ADGRA1: variants seen among roughly 807,000 people sequenced by gnomAD.
ADGRA1 encodes the protein G-protein coupled receptor 123.
In ADGRA1, 12 loss-of-function variants were observed where a neutral mutation model predicts 21.3. The observed-to-expected ratio is 0.56, with a 90% CI of 0.36 to 0.91. ADGRA1 has a LOEUF of 0.91. Ranked by LOEUF, ADGRA1 falls within the 40% of genes least tolerant of loss-of-function variation. ADGRA1 has a pLI of 0.01. For missense variants in ADGRA1, 790 were observed against 805.6 expected, an observed-to-expected ratio of 0.98 and a Z score of 0.23; for synonymous variants, 385 against 368.8, an observed-to-expected ratio of 1.04 and a Z score of -0.50.
intron 4 of ADGRA1, chr10:133,102,468 C>T (rs762666391): frequency 1.2e-5 from 8 of 655,246 alleles, no homozygotes; most frequent in Non-Finnish European, 2.0e-5. Flanking sequence ...TCCCTGCTCC[C>T]GTCTCTGTGC....
rs147825070 is a variant in ADGRA1, at chr10:133,088,749, C to T, written c.-161C>T. 0.03 allele frequency: 37,272 copies of T among 1,231,014 alleles called. 643 individuals are homozygous for T. Among genetic ancestry groups the T allele is most frequent in the Non-Finnish European group, 0.035 (34,079 of 987,602 alleles). 76.3% of individuals were successfully genotyped at this position (1,231,014 alleles called of 1,614,324 possible). ...GACTGCGCCCGCCCCGCCGCGGTCA[C>T]CCTGAGGCCAGGGGCCCGGGAGCGC... is the stretch of plus-strand genomic sequence containing the variant. On this transcript the variant is annotated 5_prime_UTR_variant, in exon 2 of 7. Coordinates refer to ENST00000392607, the MANE Select transcript of ADGRA1 (RefSeq NM_001083909.3).
chr10:133,088,617 G>A (rs1402256067), intron 1 of ADGRA1, 91 bp from the exon 2 acceptor site: 1 of 833,518 alleles, frequency 1.2e-6, no homozygotes, highest in Non-Finnish European at 1.6e-6. Context: ...GAGCGACAGG[G>A]GCCGCGGCTG....
intron 5 of ADGRA1, among the ~76,000 whole-genome samples, chr10:133,110,473 A>C (rs1851968170): frequency 6.6e-6 from 1 of 152,236 alleles, no homozygotes; most frequent in African/African-American, 2.4e-5. Context: ...AATGTGCTGA[A>C]AGCCACTGAC....
intron 2 of ADGRA1, among the ~76,000 whole-genome samples, chr10:133,089,673 G>C (rs1043185789): frequency 2.0e-5 from 3 of 152,246 alleles, no homozygotes; most frequent in African/African-American, 7.2e-5. Flanking sequence ...ACAGACGCCG[G>C]CTGGCGTGCT....
chr10:133,114,507 CA>C (rs1852119422), intron 5 of ADGRA1, among the ~76,000 whole-genome samples: 2 of 152,186 alleles, frequency 1.3e-5, no homozygotes, highest in South Asian at 4.1e-4. Context: ...TGTCCTTCTC[CA>C]CCTGACTCCT....
intron 4 of ADGRA1, among the ~76,000 whole-genome samples, chr10:133,100,128 T>G (rs1241012183): frequency 6.6e-6 from 1 of 152,230 alleles, no homozygotes; most frequent in East Asian, 1.9e-4. Context: ...CATGTCTGTG[T>G]GACCACACTT....
At chr10:133,122,956 G>A (rs1446663393) in intron 5 of ADGRA1, among the ~76,000 whole-genome samples, 2 of 152,176 alleles carry the variant, frequency 1.3e-5, no homozygotes, top group East Asian at 3.8e-4. Flanking sequence ...CCCTGCACGT[G>A]TTTCTTTAAG....
chr10:133,089,501 C>T (rs1851562972), intron 2 of ADGRA1, among the ~76,000 whole-genome samples: 1 of 152,206 alleles, frequency 6.6e-6, no homozygotes, highest in South Asian at 2.1e-4. Context: ...CTCCCTGAGG[C>T]ACCAGCAAGC....
intron 5 of ADGRA1, among the ~76,000 whole-genome samples, chr10:133,110,981 G>C (rs998432885): frequency 2.6e-5 from 4 of 152,124 alleles, no homozygotes; most frequent in Admixed American, 2.6e-4. Context: ...GGTTGTTTCT[G>C]AATCTGTTAA....
Position 133,088,906 on chromosome 10 carries a change from G to T in ADGRA1, c.-4G>T. On this transcript the variant is annotated 5_prime_UTR_variant, in exon 2 of 7. Coordinates refer to ENST00000392607, the MANE Select transcript of ADGRA1 (RefSeq NM_001083909.3). ...GCTCACGCTTCCGCAACTTTGCAGCGCTCATGGTGAGTACGGGGGTCCCGG... is the reference window on the plus strand; with the variant it reads ...GCTCACGCTTCCGCAACTTTGCAGCTCTCATGGTGAGTACGGGGGTCCCGG... The T allele has an allele frequency of 1.6e-6, 2 of 1,242,152 alleles. No individual in the cohort carries two copies. The highest frequency in any genetic ancestry group is 2.0e-6 in the Non-Finnish European group (2 of 990,448). The allele number at this position is 1,242,152 out of a possible 1,614,324, so 76.9% of individuals were successfully genotyped here.
chr10:133,104,061 C>G (rs1259556407), intron 5 of ADGRA1, among the ~76,000 whole-genome samples: 1 of 152,230 alleles, frequency 6.6e-6, no homozygotes, highest in East Asian at 1.9e-4. Context: ...CCTGCTTCCT[C>G]GGAAGGGCTG....
chr10:133,098,311 A>G (rs1851724912), intron 3 of ADGRA1, among the ~76,000 whole-genome samples: 1 of 152,062 alleles, frequency 6.6e-6, no homozygotes, highest in Admixed American at 6.5e-5. Flanking sequence ...TGCGGCCTCT[A>G]TCTCTGAGAC....
rs1162659427 is a variant in ADGRA1, at chr10:133,128,383, C to T, written c.555C>T (p.Ile185=). The T allele has an allele frequency of 3.8e-6, 6 of 1,594,116 alleles. No individual in the cohort carries two copies. The Admixed American group carries it at 8.9e-5, about 24-fold the overall frequency. Residue 185 remains isoleucine (I), a synonymous_variant, in exon 7 of 7, where the codon ATC becomes ATT. Coordinates refer to ENST00000392607, the MANE Select transcript of ADGRA1 (RefSeq NM_001083909.3). ...SLGAFYGPAA[I]ITLVTCVYFL... ...GCGCCTTCTACGGCCCAGCCGCCAT[C>T]ATCACCCTGGTCACCTGTGTGTACT...
intron 5 of ADGRA1, among the ~76,000 whole-genome samples, chr10:133,118,846 C>A (rs567410043): frequency 6.6e-6 from 1 of 151,838 alleles, no homozygotes; most frequent in African/African-American, 2.4e-5. Flanking sequence ...TGTACCACCT[C>A]TTCAGTGTGC....
intron 4 of ADGRA1, among the ~76,000 whole-genome samples, chr10:133,099,340 C>T (rs1052973408): frequency 6.6e-5 from 10 of 152,170 alleles, no homozygotes; most frequent in Admixed American, 6.5e-5. Flanking sequence ...GCACACACTC[C>T]GGTCCAGGGA....
In ADGRA1 at chr10:133,088,822, G is replaced by A; in HGVS notation, c.-88G>A. ...ACTTTGACCTTCCAGAGGCCATGGAGGCTGGCGGGGAGCAGGGCGCCACCT... is the reference window on the plus strand; with the variant it reads ...ACTTTGACCTTCCAGAGGCCATGGAAGCTGGCGGGGAGCAGGGCGCCACCT... On this transcript the variant is annotated 5_prime_UTR_variant, in exon 2 of 7. Coordinates refer to ENST00000392607, the MANE Select transcript of ADGRA1 (RefSeq NM_001083909.3). The A allele has an allele frequency of 2.0e-5, 25 of 1,234,820 alleles. No individual in the cohort carries two copies. Among genetic ancestry groups the A allele is most frequent in the Non-Finnish European group, 2.5e-5 (25 of 987,946 alleles). The allele number at this position is 1,234,820 out of a possible 1,614,324, so 76.5% of individuals were successfully genotyped here.
rs976386430 is a variant in ADGRA1, at chr10:133,130,865, C to T, written c.*1354C>T. The T allele has an allele frequency of 5.9e-5, 9 of 151,692 alleles. No individual in the cohort carries two copies. Among genetic ancestry groups the T allele is most frequent in the African/African-American group, 1.7e-4 (7 of 41,258 alleles). The allele number at this position is 151,692 out of a possible 1,614,324, so 9.4% of individuals were successfully genotyped here. A position where few individuals can be genotyped will look rare whatever the true frequency, so the allele number is the denominator to read the frequency against. ...TCACACACACGCACACACACAAACA[C>T]GTGCATATCACACACAAACACACGT... On this transcript the variant is annotated 3_prime_UTR_variant, in exon 7 of 7. Transcript: ENST00000392607.
rs149387253 is a variant in ADGRA1 at position 133,130,546 on chromosome 10, C to G, written c.*1035C>G. On this transcript the variant is annotated 3_prime_UTR_variant, in exon 7 of 7. Transcript: ENST00000392607. Reference sequence around the variant, plus strand: ...GCAAGACTTCTGTGAAAGCAAGTGGCCCGTCCCTAGGTGGGAGGGAGTCCA... The same window carrying G: ...GCAAGACTTCTGTGAAAGCAAGTGGGCCGTCCCTAGGTGGGAGGGAGTCCA... 6.6e-6 allele frequency: 1 copy of G among 152,330 alleles called. No individual in the cohort carries two copies. The highest frequency in any genetic ancestry group is 1.5e-5 in the Non-Finnish European group (1 of 68,034). The allele number at this position is 152,330 out of a possible 1,614,324, so 9.4% of individuals were successfully genotyped here. A position where few individuals can be genotyped will look rare whatever the true frequency, so the allele number is the denominator to read the frequency against.
chr10:133,120,887 C>A (rs1442530857), intron 5 of ADGRA1, among the ~76,000 whole-genome samples: 1 of 152,198 alleles, frequency 6.6e-6, no homozygotes, highest in African/African-American at 2.4e-5. Flanking sequence ...CCTCACTAAG[C>A]GTAATGATTT....
Sources: allele counts gnomAD v4.1 joint callset (sites outside exome capture counted in the v4.1 genomes callset), GRCh38; gene constraint gnomAD v4.1.1; transcripts MANE v1.5; gene names NCBI Gene and HGNC (gene_info 2026-07-23, HGNC 2026-07-21).